Variants in EGFLAM observed in about 807,000 individuals in gnomAD.
EGFLAM encodes pikachurin.
A neutral mutation model predicts 113.1 loss-of-function variants in EGFLAM; 79 were observed. The observed-to-expected ratio is 0.70, with a 90% confidence interval of 0.58 to 0.84. The LOEUF (loss-of-function observed/expected upper bound fraction) is 0.84. Ranked by LOEUF, EGFLAM falls within the 40% of genes least tolerant of loss-of-function variation. The pLI is 0.00. For missense variants in EGFLAM, 1,265 were observed against 1,291.6 expected, an observed-to-expected ratio of 0.98 and a Z score of 0.32; for synonymous variants, 504 against 487.6, an observed-to-expected ratio of 1.03 and a Z score of -0.44.
chr5:38,284,377 G>A (rs1758100628), intron 1 of EGFLAM, among the ~76,000 whole-genome samples: 1 of 152,098 alleles, frequency 6.6e-6, no homozygotes, highest in South Asian at 2.1e-4. Flanking sequence ...CTATTTACGG[G>A]GTCTTTCTTG....
At chr5:38,326,527 C>T (rs1180032876) in intron 1 of EGFLAM, among the ~76,000 whole-genome samples, 1 of 151,784 alleles carries the variant, frequency 6.6e-6, no homozygotes, top group Non-Finnish European at 1.5e-5. Context: ...AAGACGGAGT[C>T]TCACTCTGTC....
rs1419531646 is a variant in EGFLAM at position 38,435,612 on chromosome 5, T to A, written c.2283+359T>A. On this transcript the variant is annotated intron_variant, in intron 16 of 21. Coordinates refer to ENST00000322350, the MANE Select transcript of EGFLAM (RefSeq NM_152403.4). ...GACGGAGGTGAATAGCAACCTTGGCTCTGCGCTTCTCTTTTGCGGTACTTT... is the reference window on the plus strand; with the variant it reads ...GACGGAGGTGAATAGCAACCTTGGCACTGCGCTTCTCTTTTGCGGTACTTT... Among the ~76,000 whole-genome samples, 9 of 152,256 alleles carry A rather than the reference T, an allele frequency of 5.9e-5. No individual in the cohort carries two copies. The South Asian group carries it at 1.9e-3, about 32-fold the overall frequency.
At chr5:38,400,065 G>A (rs1297890482) in intron 6 of EGFLAM, 1 of 152,170 alleles carries the variant, frequency 6.6e-6, no homozygotes, top group Non-Finnish European at 1.5e-5. Context: ...AGGTTTTCAA[G>A]GTCATCAAGT....
chr5:38,450,421 G>A (rs992645482), intron 18 of EGFLAM, among the ~76,000 whole-genome samples: 4 of 152,212 alleles, frequency 2.6e-5, no homozygotes, highest in Non-Finnish European at 5.9e-5. Flanking sequence ...CACTGTTCAC[G>A]ATTGAGGACA....
chr5:38,363,895 C>T (rs1051633676), intron 5 of EGFLAM, among the ~76,000 whole-genome samples: 1 of 152,114 alleles, frequency 6.6e-6, no homozygotes, highest in South Asian at 2.1e-4. Context: ...AACTCTGTCT[C>T]AACTGCTCAA....
intron 17 of EGFLAM, chr5:38,445,448 A>AGAG: frequency 7.2e-7 from 1 of 1,384,312 alleles, no homozygotes; most frequent in Non-Finnish European, 9.4e-7. Flanking sequence ...TAAGCCGAGA[A>AGAG]GAGGTGAGGA....
At chr5:38,462,341 C>G (rs543161487) in intron 20 of EGFLAM, among the ~76,000 whole-genome samples, 67 of 152,306 alleles carry the variant, frequency 4.4e-4, no homozygotes, top group African/African-American at 1.2e-3. Flanking sequence ...CCTGAAATTT[C>G]TTCCCTGGCC....
At chr5:38,384,083 A>G (rs953216764) in intron 6 of EGFLAM, among the ~76,000 whole-genome samples, 3 of 152,150 alleles carry the variant, frequency 2.0e-5, no homozygotes, top group African/African-American at 4.8e-5. Context: ...TATTTTAAGC[A>G]GGATTGCTGT....
chr5:38,422,174 C>T (rs1354041327), intron 12 of EGFLAM, among the ~76,000 whole-genome samples: 1 of 152,072 alleles, frequency 6.6e-6, no homozygotes, highest in Non-Finnish European at 1.5e-5. Context: ...CCTTAGGAGT[C>T]TTATTTCTCT....
chr5:38,386,331 T>A (rs1740661415), intron 6 of EGFLAM, among the ~76,000 whole-genome samples: 1 of 150,846 alleles, frequency 6.6e-6, no homozygotes, highest in Non-Finnish European at 1.5e-5. Context: ...GTAGCTGGGA[T>A]TACAGGTGCA....
chr5:38,461,006 G>A (rs1743252448), intron 20 of EGFLAM: 1 of 152,170 alleles, frequency 6.6e-6, no homozygotes, highest in South Asian at 2.1e-4. Context: ...CAGCAACTTA[G>A]GTTTTATAAT....
intron 19 of EGFLAM, among the ~76,000 whole-genome samples, chr5:38,452,643 ACT>A (rs1193988045): frequency 6.6e-6 from 1 of 151,940 alleles, no homozygotes; most frequent in Non-Finnish European, 1.5e-5. Flanking sequence ...TTAAATTCTG[ACT>A]CTGCTCCCTG....
chr5:38,420,543 T>C (rs950948106), intron 12 of EGFLAM, among the ~76,000 whole-genome samples: 14 of 152,222 alleles, frequency 9.2e-5, no homozygotes, highest in Admixed American at 3.3e-4. Context: ...CCTCATAAGA[T>C]TATTTTGTTT....
chr5:38,344,603 C>A (rs1385710701), intron 3 of EGFLAM, among the ~76,000 whole-genome samples: 1 of 152,024 alleles, frequency 6.6e-6, no homozygotes, highest in Non-Finnish European at 1.5e-5. Context: ...AGGCCAGAAA[C>A]TCAAATTAAC....
Position 38,407,112 on chromosome 5 carries a change from C to A in EGFLAM, c.1113C>A (p.Cys371Ter). 1.2e-6 allele frequency: 2 copies of A among 1,614,042 alleles called. No homozygotes were observed. The highest frequency in any genetic ancestry group is 2.2e-5 in the East Asian group (1 of 44,870). The change falls in exon 8 of 22, where the codon TGC becomes TGA. Residue 371 changes from cysteine to a stop codon, truncating the protein, a stop_gained. Transcript: ENST00000322350. LOFTEE classifies it high-confidence loss of function. Reference sequence around the variant, plus strand: ...CCTGGGGGGGCTCGCGATGCCAGTGCACCCTGGGCAAAGGTGGTGAGAGCT... The same window carrying A: ...CCTGGGGGGGCTCGCGATGCCAGTGAACCCTGGGCAAAGGTGGTGAGAGCT... Reference protein sequence around the residue: ...DYTWGGSRCQCTLGKGGESCS... With the variant: ...DYTWGGSRCQ
intron 1 of EGFLAM, among the ~76,000 whole-genome samples, chr5:38,307,684 G>A (rs1758758127): frequency 6.6e-6 from 1 of 152,198 alleles, no homozygotes; most frequent in African/African-American, 2.4e-5. Flanking sequence ...TGAAAAAATT[G>A]CTGCTGTTTT....
intron 20 of EGFLAM, chr5:38,462,705 T>G (rs1743327811): frequency 2.0e-5 from 11 of 540,226 alleles, no homozygotes; most frequent in Non-Finnish European, 3.6e-5. Context: ...ATTCACAGTT[T>G]GACTTTTTGT....
intron 1 of EGFLAM, among the ~76,000 whole-genome samples, chr5:38,269,941 C>T (rs1451743663): frequency 6.6e-6 from 1 of 152,202 alleles, no homozygotes; most frequent in Non-Finnish European, 1.5e-5. Flanking sequence ...CTTGTTGCTT[C>T]CCATCAACCC....
intron 1 of EGFLAM, among the ~76,000 whole-genome samples, chr5:38,271,857 T>C (rs866914545): frequency 8.5e-5 from 13 of 152,366 alleles, no homozygotes; most frequent in Middle Eastern, 3.4e-3. Context: ...TGGATTATCT[T>C]ACACATGGTT....
Sources: gnomAD v4.1 joint callset for allele counts (sites outside exome capture counted in the v4.1 genomes callset) on GRCh38, gnomAD v4.1.1 for gene constraint, MANE v1.5 for transcripts, NCBI Gene and HGNC (gene_info 2026-07-23, HGNC 2026-07-21) for gene names.